APH1B: variants seen among roughly 807,000 people sequenced by gnomAD.
APH1B encodes the protein gamma-secretase subunit APH-1B.
A neutral mutation model predicts 28.2 loss-of-function variants in APH1B; 27 were observed. That is an observed-to-expected ratio of 0.96 (90% CI 0.70 to 1.32). The LOEUF (loss-of-function observed/expected upper bound fraction) is 1.32. Ranked by LOEUF, APH1B falls within the 40% of genes most tolerant of loss-of-function variation. APH1B has a pLI of 0.00. For synonymous variants in APH1B, 141 were observed against 124.6 expected, an observed-to-expected ratio of 1.13 and a Z score of -0.88; for missense variants, 305 against 313.6, an observed-to-expected ratio of 0.97 and a Z score of 0.21.
chr15:63,286,589 C>G lies in APH1B; in HGVS notation c.316C>G (p.Pro106Ala). 1.9e-6 allele frequency: 3 copies of G among 1,606,366 alleles called. No homozygotes were observed. The highest frequency in any genetic ancestry group is 2.5e-6 in the Non-Finnish European group (3 of 1,177,182). Residue 106 changes from proline (P) to alanine (A), a missense_variant, in exon 3 of 6, where the codon CCA (proline) becomes GCA (alanine). Transcript: ENST00000261879. Reference protein sequence around the residue: ...KASEGLKSINPGETAPSMRLL... With the variant: ...KASEGLKSINAGETAPSMRLL... ...CAGTGAAGGTTTGAAGAGTATAAAC[C>G]CAGGTGAGACAGCACCCTCTATGCG...
chr15:63,287,239 T>A, intron 3 of APH1B, 185 bp from the exon 4 acceptor site: 1 of 674,720 alleles, frequency 1.5e-6, no homozygotes, highest in Non-Finnish European at 2.4e-6. Flanking sequence ...CCTTTCCTCT[T>A]CCCGCTTCCC....
At position 63,304,983 on chromosome 15, in the gene APH1B, C is replaced by T. The variant is rs915212125; in HGVS notation, c.607-631C>T. ...TCTTTGACAGCCCTAAGGAGATCAC[C>T]TTGTTTTTACCCATCCTAGCCTCAT... On this transcript the variant is annotated intron_variant, in intron 5 of 5. Coordinates refer to ENST00000261879, the MANE Select transcript of APH1B (RefSeq NM_031301.4). The surrounding 1 kb of genome is among the most constrained non-coding windows in gnomAD (Gnocchi z 5.1). 6.6e-6 allele frequency among the ~76,000 whole-genome samples: 1 copy of T among 152,200 alleles called. No homozygotes were observed. The highest frequency in any genetic ancestry group is 1.9e-4 in the East Asian group (1 of 5,200).
intron 4 of APH1B, among the ~76,000 whole-genome samples, chr15:63,300,824 C>T (rs1050276052): frequency 2.0e-5 from 3 of 152,162 alleles, no homozygotes; most frequent in Non-Finnish European, 2.9e-5. Flanking sequence ...CATTTTTTCA[C>T]GATACGGTTT....
At chr15:63,290,586 G>A (rs35408871) in intron 4 of APH1B, among the ~76,000 whole-genome samples, 22,740 of 152,274 alleles carry the variant, frequency 0.15, 2,044 homozygotes, top group East Asian at 0.45. Flanking sequence ...CATGATCAAT[G>A]CTACAGTGAA....
rs1191062540 is a variant in APH1B, at chr15:63,308,090, T to C, written c.*2309T>C. ...GTTGCTGTACATATATTGAAATGCT[T>C]TTTTTTTTTTATTTTGCATTTGTTA... On this transcript the variant is annotated 3_prime_UTR_variant, in exon 6 of 6. Transcript: ENST00000261879. 6.8e-6 allele frequency: 1 copy of C among 147,386 alleles called. No individual in the cohort carries two copies. The highest frequency in any genetic ancestry group is 2.5e-5 in the African/African-American group (1 of 40,442). 9.1% of individuals were successfully genotyped at this position (147,386 alleles called of 1,614,324 possible).
chr15:63,284,054 T>C (rs1209037355), intron 2 of APH1B, among the ~76,000 whole-genome samples: 1 of 152,228 alleles, frequency 6.6e-6, no homozygotes, highest in Non-Finnish European at 1.5e-5. Context: ...GTGTCTGCCC[T>C]TACACCAGTA....
At chr15:63,293,765 C>G (rs772445274) in intron 4 of APH1B, among the ~76,000 whole-genome samples, 6 of 151,902 alleles carry the variant, frequency 3.9e-5, no homozygotes, top group African/African-American at 1.5e-4. Context: ...CAAAGTGTGG[C>G]CTATTTGTTT....
At chr15:63,290,082 C>G (rs4984261) in intron 4 of APH1B, among the ~76,000 whole-genome samples, 32,339 of 151,928 alleles carry the variant, frequency 0.21, 4,095 homozygotes, top group East Asian at 0.63. Flanking sequence ...TATAGATGCA[C>G]AAATATTTCA....
chr15:63,303,732 A>T (rs1380113150), intron 5 of APH1B, among the ~76,000 whole-genome samples: 1 of 152,026 alleles, frequency 6.6e-6, no homozygotes, highest in Non-Finnish European at 1.5e-5. Context: ...GGCTCAAGCG[A>T]TCCTCCTCTC....
intron 4 of APH1B, among the ~76,000 whole-genome samples, chr15:63,297,386 G>A (rs898965669): frequency 4.6e-5 from 7 of 152,022 alleles, no homozygotes; most frequent in South Asian, 4.2e-4. Flanking sequence ...AAAATTAGTC[G>A]GGCCTGGTGG....
At chr15:63,281,307 T>A (rs1385017043) in intron 2 of APH1B, among the ~76,000 whole-genome samples, 1 of 152,156 alleles carries the variant, frequency 6.6e-6, no homozygotes, top group Admixed American at 6.5e-5. Flanking sequence ...TCCAAACCTT[T>A]CCAAAAGAAA....
intron 4 of APH1B, among the ~76,000 whole-genome samples, chr15:63,300,281 C>A (rs1410724435): frequency 2.6e-5 from 4 of 152,104 alleles, no homozygotes; most frequent in African/African-American, 9.7e-5. Context: ...AGGACCTTTC[C>A]CGGTTATTTC....
At chr15:63,277,834 G>C (rs1271378535) in intron 1 of APH1B, 98 bp downstream of exon 1, 4 of 1,208,522 alleles carry the variant, frequency 3.3e-6, no homozygotes, top group Non-Finnish European at 4.6e-6. Context: ...GCTCGACCTT[G>C]TTGCGTTTCA....
At chr15:63,293,128 C>T (rs1392729230) in intron 4 of APH1B, among the ~76,000 whole-genome samples, 1 of 152,054 alleles carries the variant, frequency 6.6e-6, no homozygotes, top group Non-Finnish European at 1.5e-5. Flanking sequence ...GCCACTGCTG[C>T]CTTTATTTTT....
chr15:63,295,734 A>G (rs965671094), intron 4 of APH1B, among the ~76,000 whole-genome samples: 13 of 152,198 alleles, frequency 8.5e-5, no homozygotes, highest in Non-Finnish European at 1.9e-4. Flanking sequence ...TATTCCCTCT[A>G]TGGGCCAAAT....
chr15:63,302,457 G>C lies in APH1B; in HGVS notation c.591G>C (p.Leu197=). 6.2e-7 allele frequency: 1 copy of C among 1,613,670 alleles called. No individual in the cohort carries two copies. Among genetic ancestry groups the C allele is most frequent in the Non-Finnish European group, 8.5e-7 (1 of 1,179,838 alleles). Residue 197 remains leucine, a synonymous_variant, in exon 5 of 6, where the codon CTG becomes CTC. Coordinates refer to ENST00000261879, the MANE Select transcript of APH1B (RefSeq NM_031301.4). ...GILLIVLLTH[L]LVSAQTFISS... ...TCCTTATCGTTCTCCTGACCCACCT[G>C]CTGGTGTCAGCCCAGGTGAGTGTTG...
chr15:63,295,130 C>T (rs2038550943), intron 4 of APH1B, among the ~76,000 whole-genome samples: 1 of 152,190 alleles, frequency 6.6e-6, no homozygotes, highest in Admixed American at 6.5e-5. Flanking sequence ...TTATAAATGG[C>T]ATAGATCAGG....
chr15:63,278,512 T>G (rs1292823098), intron 1 of APH1B, among the ~76,000 whole-genome samples: 1 of 152,202 alleles, frequency 6.6e-6, no homozygotes, highest in East Asian at 1.9e-4. Context: ...GTATTGAAAG[T>G]GCTTCGCTGC....
At chr15:63,287,401 A>G in intron 3 of APH1B, 23 bp from the exon 4 acceptor site, 5 of 1,612,030 alleles carry the variant, frequency 3.1e-6, no homozygotes, top group Non-Finnish European at 4.2e-6. Context: ...AAAAGAGTTA[A>G]CAGTGTTTTT....
Sources: allele counts gnomAD v4.1 joint callset (sites outside exome capture counted in the v4.1 genomes callset), GRCh38; gene constraint gnomAD v4.1.1; non-coding constraint Gnocchi (gnomAD v3.1); transcripts MANE v1.5; gene names NCBI Gene and HGNC (gene_info 2026-07-23, HGNC 2026-07-21).